The following ZPBP variants were observed in gnomAD, a reference collection of about 807,000 sequenced individuals.
ZPBP encodes the protein zona pellucida binding protein, also known as zona pellucida-binding protein 1.
In ZPBP, 26 loss-of-function variants were observed where a neutral mutation model predicts 44.8. The observed-to-expected ratio is 0.58, with a 90% CI of 0.43 to 0.81. The LOEUF is 0.81. Ranked by LOEUF, ZPBP falls within the 30% of genes least tolerant of loss-of-function variation. The probability of loss-of-function intolerance (pLI) is 0.00; values close to 1 mark genes in which losing one functional copy is unlikely to be tolerated. For missense variants in ZPBP, 409 were observed against 434.0 expected, an observed-to-expected ratio of 0.94 and a Z score of 0.51; for synonymous variants, 174 against 153.2, an observed-to-expected ratio of 1.14 and a Z score of -1.00.
chr7:49,912,222 A>G (rs1793494752), intron 1 of ZPBP: 2 of 1,611,270 alleles, frequency 1.2e-6, no homozygotes, highest in Non-Finnish European at 1.7e-6. Context: ...TTTTTCTAGA[A>G]CATTTTACTG....
intron 7 of ZPBP, among the ~76,000 whole-genome samples, chr7:49,945,974 C>T (rs1583890447): frequency 6.6e-6 from 1 of 151,688 alleles, no homozygotes; most frequent in Admixed American, 6.6e-5. Context: ...TGTACATATC[C>T]GTTGTGTTTT....
rs547690938 is a variant in ZPBP at position 49,885,388 on chromosome 7, T to A, written n.509+15730A>T. On this transcript the variant is annotated intron_variant and non_coding_transcript_variant, in intron 2 of 2. Transcript: ENST00000465922. ...AGTAAAACTATATAAATATATACAA[T>A]TATGTTCATAAAAATTAAGAATAAA... Among the ~76,000 whole-genome samples, 3 of 152,200 alleles carry A rather than the reference T, an allele frequency of 2.0e-5. No homozygotes were observed. In the South Asian group the frequency reaches 6.2e-4, roughly 32 times the overall value.
chr7:49,894,465 C>T (rs145059142), intron 2 of ZPBP, among the ~76,000 whole-genome samples: 10 of 152,358 alleles, frequency 6.6e-5, no homozygotes, highest in Admixed American at 2.6e-4. Flanking sequence ...CTATGGCTTA[C>T]CATCCCTTGT....
intron 6 of ZPBP, among the ~76,000 whole-genome samples, chr7:50,003,933 C>T (rs1310305307): frequency 2.6e-5 from 4 of 152,090 alleles, no homozygotes; most frequent in Admixed American, 1.3e-4. Flanking sequence ...CCTAAATATG[C>T]TTAATTACAT....
Position 50,031,083 on chromosome 7 carries a change from T to C in ZPBP, c.706+9A>G, listed in dbSNP as rs370603385. 15 of 1,612,608 alleles carry C rather than the reference T, an allele frequency of 9.3e-6. No homozygotes were observed. In the African/African-American group the frequency reaches 1.9e-4, roughly 20 times the overall value. ...CCATTTGCTTTTCTAACAAATTGTA[T>C]AGACTTACCTGAAAATGCAAAGAAC... On this transcript the variant is annotated intron_variant, in intron 5 of 7. Transcript: ENST00000046087.
At chr7:49,998,168 G>A (rs1047512677) in intron 6 of ZPBP, among the ~76,000 whole-genome samples, 1 of 151,984 alleles carries the variant, frequency 6.6e-6, no homozygotes, top group Non-Finnish European at 1.5e-5. Flanking sequence ...CACCCACCTC[G>A]GTCTCCCAAA....
chr7:50,013,491 T>A (rs1413557618), intron 6 of ZPBP, among the ~76,000 whole-genome samples: 2 of 152,062 alleles, frequency 1.3e-5, no homozygotes, highest in African/African-American at 4.8e-5. Flanking sequence ...CTTATATTTA[T>A]TATTATACTA....
chr7:50,047,741 A>G (rs1800456554), intron 4 of ZPBP, among the ~76,000 whole-genome samples: 1 of 151,974 alleles, frequency 6.6e-6, no homozygotes, highest in African/African-American at 2.4e-5. Context: ...GCCTCATGAG[A>G]AAATGATCGA....
Position 49,869,250 on chromosome 7 carries a change from A to C in ZPBP, n.510-18736T>G, listed in dbSNP as rs933257348. Among the ~76,000 whole-genome samples, 68 of 152,196 alleles carry C rather than the reference A, an allele frequency of 4.5e-4. 1 individual carries two copies. The highest frequency in any genetic ancestry group is 3.4e-4 in the Non-Finnish European group (23 of 68,036). Reference sequence around the variant, plus strand: ...ATAATTCCATGAGATAATTGTTATAAATTAAGCCTTTGCAAAATACACAGT... The same window carrying C: ...ATAATTCCATGAGATAATTGTTATACATTAAGCCTTTGCAAAATACACAGT... On this transcript the variant is annotated intron_variant and non_coding_transcript_variant, in intron 2 of 2. Transcript: ENST00000465922.
chr7:50,078,521 C>T (rs1238873427), intron 3 of ZPBP, among the ~76,000 whole-genome samples: 1 of 150,880 alleles, frequency 6.6e-6, no homozygotes, highest in Admixed American at 6.6e-5. Context: ...CATATATACA[C>T]CTACTATGTA....
chr7:49,992,852 C>G (rs1208721922), intron 6 of ZPBP, among the ~76,000 whole-genome samples: 1 of 151,718 alleles, frequency 6.6e-6, no homozygotes, highest in Non-Finnish European at 1.5e-5. Flanking sequence ...GAAGGAAGGA[C>G]TAAAATATAC....
intron 2 of ZPBP, among the ~76,000 whole-genome samples, chr7:49,868,834 G>A (rs1029200209): frequency 6.6e-6 from 1 of 152,136 alleles, no homozygotes; most frequent in Non-Finnish European, 1.5e-5. Flanking sequence ...GGCCAGGCTG[G>A]TCTTGAACTC....
intron 6 of ZPBP, among the ~76,000 whole-genome samples, chr7:50,002,214 G>C (rs923017851): frequency 6.6e-6 from 1 of 152,122 alleles, no homozygotes; most frequent in Non-Finnish European, 1.5e-5. Context: ...ATGGCAGCAG[G>C]CAAGAGAGCT....
chr7:50,062,810 A>G (rs1369199376), intron 3 of ZPBP, among the ~76,000 whole-genome samples: 1 of 152,194 alleles, frequency 6.6e-6, no homozygotes, highest in Non-Finnish European at 1.5e-5. Context: ...AATAACAAAA[A>G]TCAGATGAGC....
intron 3 of ZPBP, among the ~76,000 whole-genome samples, chr7:50,064,650 A>C (rs1444295429): frequency 6.6e-6 from 1 of 152,238 alleles, no homozygotes. Context: ...CTTTTGAAAG[A>C]AGAGAAATAT....
At chr7:49,997,390 C>T (rs1797894307) in intron 6 of ZPBP, among the ~76,000 whole-genome samples, 1 of 152,170 alleles carries the variant, frequency 6.6e-6, no homozygotes, top group African/African-American at 2.4e-5. Flanking sequence ...ACATCTAATA[C>T]CCCATAGCTC....
intron 7 of ZPBP, chr7:49,940,620 C>T: frequency 3.6e-6 from 1 of 278,214 alleles, no homozygotes; most frequent in Non-Finnish European, 5.4e-6. Context: ...CTATGGAAAC[C>T]AGCCATAGGT....
chr7:50,053,307 A>G (rs535413886), intron 4 of ZPBP, among the ~76,000 whole-genome samples: 8 of 152,342 alleles, frequency 5.3e-5, no homozygotes, highest in African/African-American at 1.7e-4. Context: ...TTTCAGGACC[A>G]TTCTCAGTCT....
At chr7:49,861,710 A>G (rs947399424) in intron 2 of ZPBP, among the ~76,000 whole-genome samples, 2 of 152,222 alleles carry the variant, frequency 1.3e-5, no homozygotes, top group Non-Finnish European at 2.9e-5. Context: ...TCTTTTGCAC[A>G]TGGCTTTCTA....
Sources: gnomAD v4.1 joint callset for allele counts (sites outside exome capture counted in the v4.1 genomes callset) on GRCh38, gnomAD v4.1.1 for gene constraint, MANE v1.5 for transcripts, NCBI Gene and HGNC (gene_info 2026-07-23, HGNC 2026-07-21) for gene names.